ABCC4: variants seen among roughly 807,000 people sequenced by gnomAD.
ABCC4 encodes the protein ATP-binding cassette sub-family C member 4.
In ABCC4, 102 loss-of-function variants were observed where a neutral mutation model predicts 168.5. That is an observed-to-expected ratio of 0.61 (90% CI 0.52 to 0.71). The LOEUF (loss-of-function observed/expected upper bound fraction) is 0.71, where lower values mean the gene tolerates loss of function less well. ABCC4 is among the 30% of genes least tolerant of loss of function. The pLI, the probability that ABCC4 is intolerant of heterozygous loss-of-function variation, is 0.00. For missense variants in ABCC4, 1,402 were observed against 1,605.8 expected, an observed-to-expected ratio of 0.87 and a Z score of 2.17; for synonymous variants, 617 against 590.7, an observed-to-expected ratio of 1.04 and a Z score of -0.65.
intron 21 of ABCC4, among the ~76,000 whole-genome samples, chr13:95,081,740 C>T (rs535590482): frequency 1.9e-4 from 29 of 152,316 alleles, no homozygotes; most frequent in African/African-American, 5.8e-4. Flanking sequence ...GCAGTACACA[C>T]CTGTAGTTCC....
intron 29 of ABCC4, among the ~76,000 whole-genome samples, chr13:95,042,369 G>A (rs2032398301): frequency 6.6e-6 from 1 of 152,152 alleles, no homozygotes; most frequent in Admixed American, 6.5e-5. Context: ...CATAGTCTAA[G>A]CCGCCATTGT....
At chr13:95,201,624 G>A (rs545474843) in intron 8 of ABCC4, among the ~76,000 whole-genome samples, 1 of 152,240 alleles carries the variant, frequency 6.6e-6, no homozygotes, top group South Asian at 2.1e-4. Context: ...ATAATAAGGG[G>A]AAAATGAGGA....
chr13:95,281,944 T>G (rs922771787), intron 1 of ABCC4, among the ~76,000 whole-genome samples: 1 of 152,030 alleles, frequency 6.6e-6, no homozygotes, highest in East Asian at 1.9e-4. Context: ...CCGTCTCTAC[T>G]AAAAATACAA....
chr13:95,246,951 T>C, intron 3 of ABCC4, 24 bp downstream of exon 3: 1 of 1,608,086 alleles, frequency 6.2e-7, no homozygotes, highest in East Asian at 2.2e-5. Flanking sequence ...TGAAAAACAA[T>C]TCATGGTATG....
At chr13:95,038,564 T>C (rs2032224900) in intron 29 of ABCC4, among the ~76,000 whole-genome samples, 1 of 151,266 alleles carries the variant, frequency 6.6e-6, no homozygotes, top group African/African-American at 2.4e-5. Context: ...CACGTAGAAA[T>C]GGTGGTGGAG....
At chr13:95,037,321 T>G (rs922380644) in intron 29 of ABCC4, among the ~76,000 whole-genome samples, 2 of 152,218 alleles carry the variant, frequency 1.3e-5, no homozygotes, top group Non-Finnish European at 2.9e-5. Context: ...GAACATGCTC[T>G]GCTTTTACAG....
At chr13:95,163,689 C>T (rs1243218825) in intron 16 of ABCC4, 42 bp from the exon 17 acceptor site, 1 of 1,544,220 alleles carries the variant, frequency 6.5e-7, no homozygotes, top group Non-Finnish European at 8.9e-7. Flanking sequence ...CAAACTTGGG[C>T]ATGACTTACC....
chr13:95,126,732 T>TATATATATATTCCAAA lies in ABCC4; in HGVS notation c.2456-10732_2456-10731insTTTGGAATATATATAT, dbSNP rs1555316760. ...GAACTTTTTTTGGAATATATATATATATATATATATATATATATATATTCC... is the reference window on the plus strand; with the variant it reads ...GAACTTTTTTTGGAATATATATATATATATATATATTCCAAAATATATATATATATATATATATTCC... On this transcript the variant is annotated intron_variant, in intron 19 of 30. Coordinates refer to ENST00000645237, the MANE Select transcript of ABCC4 (RefSeq NM_005845.5). Among the ~76,000 whole-genome samples, 386 of 80,692 alleles carry TATATATATATTCCAAA rather than the reference T, an allele frequency of 4.8e-3. 19 individuals are homozygous for TATATATATATTCCAAA. Among genetic ancestry groups the TATATATATATTCCAAA allele is most frequent in the African/African-American group, 0.018 (316 of 17,708 alleles). 52.9% of individuals were successfully genotyped at this position (80,692 alleles called of 152,430 possible). A position where few individuals can be genotyped will look rare whatever the true frequency, so the allele number is the denominator to read the frequency against.
intron 19 of ABCC4, among the ~76,000 whole-genome samples, chr13:95,136,765 G>A (rs1254511776): frequency 2.0e-5 from 3 of 152,206 alleles, no homozygotes; most frequent in Non-Finnish European, 4.4e-5. Context: ...AGGACGGGGT[G>A]GAGAATCAAA....
chr13:95,051,814 G>GCA (rs1367984732), intron 27 of ABCC4, among the ~76,000 whole-genome samples: 1 of 144,104 alleles, frequency 6.9e-6, no homozygotes, highest in East Asian at 2.2e-4. Flanking sequence ...CTACAGATGC[G>GCA]CACCACCACG....
intron 4 of ABCC4, among the ~76,000 whole-genome samples, chr13:95,219,137 A>G (rs1178880473): frequency 6.6e-6 from 1 of 152,198 alleles, no homozygotes; most frequent in East Asian, 1.9e-4. Flanking sequence ...ACCAATACCC[A>G]TGGAAAGAAC....
intron 4 of ABCC4, among the ~76,000 whole-genome samples, chr13:95,231,716 T>C (rs2039626482): frequency 6.6e-6 from 1 of 152,246 alleles, no homozygotes; most frequent in African/African-American, 2.4e-5. Context: ...CAAGCAATTT[T>C]TGACTTCATA....
intron 29 of ABCC4, among the ~76,000 whole-genome samples, chr13:95,038,491 TGAG>T (rs984464545): frequency 4.6e-5 from 7 of 151,438 alleles, no homozygotes; most frequent in African/African-American, 1.7e-4. Context: ...CCAAAATTTC[TGAG>T]GAGGAGCTTC....
rs552101535 is a variant in ABCC4 at position 95,116,098 on chromosome 13, A to T, written c.2456-97T>A. 35 of 813,532 alleles carry T rather than the reference A, an allele frequency of 4.3e-5. 1 individual carries two copies. The South Asian group carries it at 6.6e-4, about 15-fold the overall frequency. The allele number at this position is 813,532 out of a possible 1,614,324, so 50.4% of individuals were successfully genotyped here. ...AATCAAAACAATATTTTAAATGCAT[A>T]TGTATTTAATATATTATTCATATGA... is the stretch of plus-strand genomic sequence containing the variant. On this transcript the variant is annotated intron_variant, in intron 19 of 30. Coordinates refer to ENST00000645237, the MANE Select transcript of ABCC4 (RefSeq NM_005845.5).
intron 30 of ABCC4, among the ~76,000 whole-genome samples, chr13:95,026,232 C>G (rs2031538272): frequency 6.6e-6 from 1 of 151,902 alleles, no homozygotes; most frequent in Non-Finnish European, 1.5e-5. Context: ...GACGGAGACT[C>G]TGTCTCAAAA....
chr13:95,270,450 C>T (rs1318616687), intron 1 of ABCC4, among the ~76,000 whole-genome samples: 3 of 152,074 alleles, frequency 2.0e-5, no homozygotes, highest in Non-Finnish European at 2.9e-5. Flanking sequence ...TAATCCATTC[C>T]TTGGCCCATT....
In ABCC4 at chr13:95,147,370, GAACT is replaced by G. The variant is rs1490977256; in HGVS notation, c.2455+13815_2455+13818del. On this transcript the variant is annotated intron_variant, in intron 19 of 30. Transcript: ENST00000645237. Reference sequence around the variant, plus strand: ...TAAAAACATAATTTATAGTTTACAAGAACTAACCAGAAATCTCATTTTCTTCCCA... The same window carrying G: ...TAAAAACATAATTTATAGTTTACAAGAACCAGAAATCTCATTTTCTTCCCA... 2.0e-5 allele frequency among the ~76,000 whole-genome samples: 3 copies of G among 152,124 alleles called. No homozygotes were observed. The East Asian group carries it at 5.8e-4, about 29-fold the overall frequency.
chr13:95,236,585 T>C (rs60317362), intron 3 of ABCC4, among the ~76,000 whole-genome samples: 43,422 of 131,192 alleles, frequency 0.33, 7,006 homozygotes, highest in African/African-American at 0.41. Flanking sequence ...TCTCGGCATG[T>C]GAACGCGCGC....
At chr13:95,081,334 T>C (rs926657587) in intron 21 of ABCC4, among the ~76,000 whole-genome samples, 1 of 152,182 alleles carries the variant, frequency 6.6e-6, no homozygotes, top group African/African-American at 2.4e-5. Flanking sequence ...ATGTTCCTTC[T>C]GGAACGGCTG....
Sources: gnomAD v4.1 joint callset for allele counts (sites outside exome capture counted in the v4.1 genomes callset) on GRCh38, gnomAD v4.1.1 for gene constraint, MANE v1.5 for transcripts, NCBI Gene and HGNC (gene_info 2026-07-23, HGNC 2026-07-21) for gene names.